TRAPPC8: variants seen among roughly 807,000 people sequenced by gnomAD.
TRAPPC8 encodes general sporulation gene 1 homolog.
Under a neutral mutation model 174.3 loss-of-function variants are expected in TRAPPC8, and 54 were observed. The ratio of observed to expected loss-of-function variants is 0.31; its 90% CI spans 0.25 to 0.39. The LOEUF (loss-of-function observed/expected upper bound fraction) is 0.39. TRAPPC8 is among the 10% of genes least tolerant of loss of function. The pLI is 1.00. For missense variants in TRAPPC8, 1,531 were observed against 1,699.1 expected, an observed-to-expected ratio of 0.90 and a Z score of 1.74; for synonymous variants, 630 against 579.9, an observed-to-expected ratio of 1.09 and a Z score of -1.24.
chr18:31,878,117 T>G (rs1156494557), intron 12 of TRAPPC8, among the ~76,000 whole-genome samples: 2 of 152,096 alleles, frequency 1.3e-5, no homozygotes, highest in Admixed American at 6.6e-5. Flanking sequence ...GGTGGAAGTG[T>G]ACTCTGGTCA....
intron 12 of TRAPPC8, among the ~76,000 whole-genome samples, chr18:31,880,090 A>AAAAAAATATATATATAT (rs1259899654): frequency 1.2e-5 from 1 of 85,378 alleles, no homozygotes; most frequent in African/African-American, 5.2e-5. Context: ...TGAAAAAAAA[A>AAAAAAATATATATATAT]ATATATATAT....
intron 22 of TRAPPC8, among the ~76,000 whole-genome samples, chr18:31,853,459 G>C (rs911818458): frequency 6.6e-6 from 1 of 152,054 alleles, no homozygotes; most frequent in Non-Finnish European, 1.5e-5. Flanking sequence ...GTAGAGACAG[G>C]GTTTTACCAT....
chr18:31,830,677 T>C lies in TRAPPC8; in HGVS notation c.*78A>G. 8.3e-7 allele frequency: 1 copy of C among 1,198,506 alleles called. No individual in the cohort carries two copies. Among genetic ancestry groups the C allele is most frequent in the East Asian group, 2.5e-5 (1 of 39,588 alleles). The allele number at this position is 1,198,506 out of a possible 1,614,324, so 74.2% of individuals were successfully genotyped here. A position where few individuals can be genotyped will look rare whatever the true frequency, so the allele number is the denominator to read the frequency against. On this transcript the variant is annotated 3_prime_UTR_variant, in exon 29 of 29. Transcript: ENST00000283351. ...ATATCAATCAACCTCCATAACAAGT[T>C]AGGTATATCAAATACTGCTGTAAAA...
intron 24 of TRAPPC8, 120 bp from the exon 25 acceptor site, chr18:31,849,859 A>G: frequency 1.1e-6 from 1 of 872,446 alleles, no homozygotes; most frequent in East Asian, 2.9e-5. Context: ...TATAGCTTAT[A>G]CATACCCAAA....
At chr18:31,872,252 A>G (rs1438711710) in intron 14 of TRAPPC8, among the ~76,000 whole-genome samples, 2 of 152,134 alleles carry the variant, frequency 1.3e-5, no homozygotes, top group Non-Finnish European at 2.9e-5. Context: ...AGAGCTTAAT[A>G]TATTTATACT....
chr18:31,918,562 G>A (rs963902495), intron 2 of TRAPPC8, among the ~76,000 whole-genome samples: 1 of 152,096 alleles, frequency 6.6e-6, no homozygotes, highest in Non-Finnish European at 1.5e-5. Context: ...CACAAGACAA[G>A]ACAAGACAAG....
At chr18:31,845,405 T>C (rs780328312) in intron 26 of TRAPPC8, among the ~76,000 whole-genome samples, 10 of 151,620 alleles carry the variant, frequency 6.6e-5, no homozygotes, top group Non-Finnish European at 1.2e-4. Context: ...CATTTGAATA[T>C]GGATTGTAAA....
chr18:31,928,367 A>AC (rs879840373), intron 2 of TRAPPC8, among the ~76,000 whole-genome samples: 3 of 149,840 alleles, frequency 2.0e-5, no homozygotes, highest in Non-Finnish European at 3.0e-5. Flanking sequence ...ACACACACAC[A>AC]GATTTTAATT....
chr18:31,931,878 G>A (rs1375643216), intron 1 of TRAPPC8, among the ~76,000 whole-genome samples: 1 of 152,138 alleles, frequency 6.6e-6, no homozygotes, highest in East Asian at 1.9e-4. Flanking sequence ...AAGGTCTATG[G>A]TATTAACACT....
chr18:31,917,772 C>A (rs973925484), intron 2 of TRAPPC8, 105 bp from the exon 3 acceptor site: 2 of 958,960 alleles, frequency 2.1e-6, no homozygotes, highest in Non-Finnish European at 3.2e-6. Flanking sequence ...AAAAAAATTT[C>A]TAACAGTAAA....
intron 4 of TRAPPC8, among the ~76,000 whole-genome samples, chr18:31,914,163 GA>G (rs112939220): frequency 5.1e-4 from 55 of 107,468 alleles, no homozygotes; most frequent in African/African-American, 7.7e-4. Context: ...GGAAAAACAA[GA>G]AAAAAAAAAA....
At chr18:31,920,721 C>T (rs951935505) in intron 2 of TRAPPC8, among the ~76,000 whole-genome samples, 1 of 152,020 alleles carries the variant, frequency 6.6e-6, no homozygotes, top group Non-Finnish European at 1.5e-5. Flanking sequence ...AGGCGGATCA[C>T]CTGACGTCAG....
In TRAPPC8 at chr18:31,910,168, C is replaced by A. The variant is rs138785660; in HGVS notation, c.772-408G>T. On this transcript the variant is annotated intron_variant, in intron 5 of 28. Transcript: ENST00000283351. ...AGAAGAGAGGCACAGATATGAAATT[C>A]TTTGGGTCACAGTGTAAGCAGGTTG... is the stretch of plus-strand genomic sequence containing the variant. 7.1e-3 allele frequency among the ~76,000 whole-genome samples: 1,088 copies of A among 152,214 alleles called. 15 individuals are homozygous for A. The highest frequency in any genetic ancestry group is 0.025 in the African/African-American group (1,044 of 41,550).
rs372314288 is a variant in TRAPPC8 at position 31,903,222 on chromosome 18, T to G, written c.1390-2197A>C. On this transcript the variant is annotated intron_variant, in intron 9 of 28. Transcript: ENST00000283351. The stretch of plus-strand genomic sequence containing the variant: ...GCCCACAATGCTCCAAGAAGGAATT[T>G]CCAAGTATTTGCTGGTGGAAAAAGA... Among the ~76,000 whole-genome samples the G allele has an allele frequency of 2.0e-5, 3 of 152,126 alleles. No homozygotes were observed. The East Asian group carries it at 5.8e-4, about 29-fold the overall frequency.
intron 2 of TRAPPC8, 59 bp from the exon 3 acceptor site, chr18:31,917,726 AC>A: frequency 6.8e-7 from 1 of 1,479,608 alleles, no homozygotes; most frequent in African/African-American, 1.4e-5. Flanking sequence ...TTTACAACAG[AC>A]AAAATTTCAA....
chr18:31,851,345 T>C (rs1475419080), intron 24 of TRAPPC8, among the ~76,000 whole-genome samples: 1 of 152,162 alleles, frequency 6.6e-6, no homozygotes, highest in South Asian at 2.1e-4. Flanking sequence ...CTAGGTCCAA[T>C]TATGGTCTGC....
intron 24 of TRAPPC8, among the ~76,000 whole-genome samples, chr18:31,852,190 A>C (rs1023290727): frequency 1.7e-4 from 26 of 152,046 alleles, no homozygotes; most frequent in African/African-American, 6.3e-4. Flanking sequence ...AAAATAAAAA[A>C]ACTAGCCAGG....
intron 12 of TRAPPC8, among the ~76,000 whole-genome samples, chr18:31,885,723 C>T (rs1448091825): frequency 6.6e-6 from 1 of 151,408 alleles, no homozygotes; most frequent in Non-Finnish European, 1.5e-5. Flanking sequence ...ATTAGCCAGG[C>T]GTGGTGCATG....
chr18:31,915,023 A>G (rs1343686938), intron 4 of TRAPPC8, among the ~76,000 whole-genome samples: 1 of 152,248 alleles, frequency 6.6e-6, no homozygotes, highest in Non-Finnish European at 1.5e-5. Flanking sequence ...AGTGAGAGGA[A>G]AACTGGGAAG....
Sources: allele counts gnomAD v4.1 joint callset (sites outside exome capture counted in the v4.1 genomes callset), GRCh38; gene constraint gnomAD v4.1.1; transcripts MANE v1.5; gene names NCBI Gene and HGNC (gene_info 2026-07-23, HGNC 2026-07-21).